RGS12: variants seen among roughly 807,000 people sequenced by gnomAD.
The protein encoded by RGS12 is regulator of G-protein signaling 12.
A neutral mutation model predicts 120.1 loss-of-function variants in RGS12; 66 were observed. The observed-to-expected ratio is 0.55, with a 90% CI of 0.45 to 0.67. RGS12 has a LOEUF of 0.67. Ranked by LOEUF, RGS12 falls within the 30% of genes least tolerant of loss-of-function variation. RGS12 has a pLI of 0.00. For synonymous variants in RGS12, 827 were observed against 804.7 expected, an observed-to-expected ratio of 1.03 and a Z score of -0.47; for missense variants, 1,859 against 1,957.7, an observed-to-expected ratio of 0.95 and a Z score of 0.95.
At chr4:3,416,235 A>G (rs1395988106) in intron 7 of RGS12, 114 bp downstream of exon 7, 1 of 1,221,678 alleles carries the variant, frequency 8.2e-7, no homozygotes, top group East Asian at 2.5e-5. Context: ...AGCATCACAG[A>G]CGCAGGTAGA....
At position 3,366,709 on chromosome 4, in the gene RGS12, T is replaced by G. The variant is rs991682693; in HGVS notation, c.1999-19707T>G. ...GCCGGAAAGCTCAGGAGGCCCTGGT[T>G]AGGCTGGGGCATCACGGGATGTGTC... On this transcript the variant is annotated intron_variant, in intron 3 of 17. Coordinates refer to ENST00000336727, the MANE Select transcript of RGS12 (RefSeq NM_001394154.1). This position sits in a 1 kb window ranked among gnomAD's most constrained non-coding sequence, Gnocchi z 4.0. Among the ~76,000 whole-genome samples the G allele has an allele frequency of 6.6e-6, 1 of 152,100 alleles. No homozygotes were observed. Among genetic ancestry groups the G allele is most frequent in the Admixed American group, 6.5e-5 (1 of 15,280 alleles).
chr4:3,361,704 A>C (rs1715581479), intron 3 of RGS12, among the ~76,000 whole-genome samples: 1 of 152,198 alleles, frequency 6.6e-6, no homozygotes, highest in Admixed American at 6.5e-5. Flanking sequence ...CTGCTCTGGG[A>C]ATTGCAGGGG....
rs1051349180 is a variant in RGS12, at chr4:3,317,538, G to A, written c.1368G>A (p.Ala456=). The stretch of plus-strand genomic sequence containing the variant: ...GCAGACACGGCCCCGGAGGCAGCGC[G>A]TGGGACGGTGTGGGTGGGAGGGGTG... ...SSSRHGPGGS[A]WDGVGGRGAQ... Residue 456 remains alanine (A), a synonymous_variant, in exon 2 of 18, where the codon GCG becomes GCA. Coordinates refer to ENST00000336727, the MANE Select transcript of RGS12 (RefSeq NM_001394154.1). The A allele has an allele frequency of 2.5e-6, 4 of 1,610,140 alleles. No homozygotes were observed. Among genetic ancestry groups the A allele is most frequent in the African/African-American group, 1.3e-5 (1 of 74,930 alleles).
intron 1 of RGS12, 34 bp downstream of exon 1, chr4:3,293,133 A>G (rs934432644): frequency 2.5e-4 from 36 of 143,696 alleles, no homozygotes; most frequent in African/African-American, 8.2e-4. Context: ...GGGCGGGGGC[A>G]GGGCGCGCCG....
intron 1 of RGS12, among the ~76,000 whole-genome samples, chr4:3,302,573 A>G (rs958744841): frequency 1.3e-5 from 2 of 152,142 alleles, no homozygotes; most frequent in African/African-American, 4.8e-5. Flanking sequence ...CCCTGCTTAC[A>G]GAAGTGGTTC....
At chr4:3,414,388 C>T (rs1722105490) in intron 5 of RGS12, 147 bp downstream of exon 5, 1 of 893,922 alleles carries the variant, frequency 1.1e-6, no homozygotes, top group Non-Finnish European at 1.6e-6. Flanking sequence ...TGGACCGCCA[C>T]CCTCTCAAGA....
intron 3 of RGS12, among the ~76,000 whole-genome samples, chr4:3,344,276 G>A (rs1269876117): frequency 1.3e-5 from 2 of 152,190 alleles, no homozygotes; most frequent in Admixed American, 6.5e-5. Flanking sequence ...TCGAGGGCAG[G>A]TCAGGGCTAG....
intron 6 of RGS12, among the ~76,000 whole-genome samples, chr4:3,415,621 C>T (rs1343005770): frequency 2.0e-5 from 3 of 152,212 alleles, no homozygotes; most frequent in African/African-American, 7.2e-5. Flanking sequence ...GGCTTCCAGG[C>T]TTCGGGGCTG....
chr4:3,356,050 ATTTT>A (rs35966486), intron 3 of RGS12, among the ~76,000 whole-genome samples: 24 of 123,400 alleles, frequency 1.9e-4, no homozygotes, highest in African/African-American at 5.8e-4. Flanking sequence ...ATCTTTTTCA[ATTTT>A]TTTTTTTTTT....
chr4:3,379,206 G>T lies in RGS12; in HGVS notation c.1999-7210G>T, dbSNP rs140736705. Among the ~76,000 whole-genome samples, 180 of 152,278 alleles carry T rather than the reference G, an allele frequency of 1.2e-3. 1 individual carries two copies. The highest frequency in any genetic ancestry group is 4.2e-3 in the African/African-American group (174 of 41,554). On this transcript the variant is annotated intron_variant, in intron 3 of 17. Transcript: ENST00000336727. ...GTAGATTGGTGCTTACCAGTGCCTG[G>T]CGGTAGTGGTGGAGAGATGTTGGAC...
In RGS12 at chr4:3,414,138, C is replaced by G; in HGVS notation, c.2087C>G (p.Pro696Arg). The G allele has an allele frequency of 6.4e-7, 1 of 1,568,966 alleles. No individual in the cohort carries two copies. Among genetic ancestry groups the G allele is most frequent in the South Asian group, 1.2e-5 (1 of 86,492 alleles). Residue 696 changes from proline (P) to arginine (R), a missense_variant, in exon 5 of 18, where the codon CCC (proline) becomes CGC (arginine). Physicochemically the swap from Pro to Arg is moderately radical, Grantham distance 103 (BLOSUM62 -2). Around this residue, in one of 3 missense-constraint regions of RGS12, gnomAD observed 967 missense variants for 994.2 expected, o/e 0.97. Coordinates refer to ENST00000336727, the MANE Select transcript of RGS12 (RefSeq NM_001394154.1). ...AGCCTGAGCAGCAATGCCAGCCTCC[C>G]CAGCGTGCAGAGCTGCCGGCGCCTG... ...NNSLSSNASL[P>R]SVQSCRRLRE... is the part of the protein sequence containing the mutation.
intron 2 of RGS12, among the ~76,000 whole-genome samples, chr4:3,326,114 A>T (rs1725537660): frequency 6.6e-6 from 1 of 152,218 alleles, no homozygotes; most frequent in Non-Finnish European, 1.5e-5. Context: ...CTGGAACAAG[A>T]CAAGAATGCC....
At chr4:3,425,311 T>G (rs1723491830) in intron 13 of RGS12, 153 bp from the exon 14 acceptor site, 5 of 704,170 alleles carry the variant, frequency 7.1e-6, no homozygotes, top group Non-Finnish European at 1.3e-5. Context: ...CAGCCCCAGC[T>G]TGTGTGCCTC....
rs372996302 is a variant in RGS12 at position 3,413,166 on chromosome 4, G to GCC, written c.2021-902_2021-901dup. On this transcript the variant is annotated intron_variant, in intron 4 of 17. Transcript: ENST00000336727. ...TGCTCGCGTCAGGAGGGACGGGGGCGCCCCCACACTGCTCGCGTCAGGAGG... is the reference window on the plus strand; with the variant it reads ...TGCTCGCGTCAGGAGGGACGGGGGCGCCCCCCCACACTGCTCGCGTCAGGAGG... 4.0e-3 allele frequency: 60 copies of GCC among 15,182 alleles called. 15 individuals are homozygous for GCC. The highest frequency in any genetic ancestry group is 0.023 in the African/African-American group (45 of 1,958). 0.9% of individuals were successfully genotyped at this position (15,182 alleles called of 1,614,324 possible).
intron 3 of RGS12, among the ~76,000 whole-genome samples, chr4:3,382,643 G>GCT (rs1008839515): frequency 6.6e-6 from 1 of 151,868 alleles, no homozygotes; most frequent in African/African-American, 2.4e-5. Context: ...GTTCTCTGCT[G>GCT]CTCTCTCTCT....
intron 2 of RGS12, among the ~76,000 whole-genome samples, chr4:3,338,986 A>G (rs1472433695): frequency 1.3e-5 from 2 of 152,206 alleles, no homozygotes; most frequent in Admixed American, 1.3e-4. Flanking sequence ...AAGTTGTCAC[A>G]TCTGTTACTG....
chr4:3,400,583 A>G (rs1482907309), intron 4 of RGS12, among the ~76,000 whole-genome samples: 2 of 150,890 alleles, frequency 1.3e-5, no homozygotes, highest in Non-Finnish European at 3.0e-5. Flanking sequence ...AATAGAATAC[A>G]TGAATGTACT....
chr4:3,411,996 C>T (rs1721788182), intron 4 of RGS12, among the ~76,000 whole-genome samples: 1 of 152,346 alleles, frequency 6.6e-6, no homozygotes, highest in African/African-American at 2.4e-5. Context: ...GCGGCCACCG[C>T]GGTCACACAT....
In RGS12 at chr4:3,439,551, C is replaced by T. The variant is rs556019881; in HGVS notation, c.4211C>T (p.Ala1404Val). The change falls in exon 18 of 18, where the codon GCG becomes GTG. Residue 1404 changes from alanine (A) to valine (V), a missense_variant. Physicochemically the swap from Ala to Val is moderately conservative, Grantham distance 64 (BLOSUM62 0). This residue lies in a region of RGS12 where 517 missense variants were observed against 488.5 expected (regional missense o/e 1.06). Coordinates refer to ENST00000336727, the MANE Select transcript of RGS12 (RefSeq NM_001394154.1). ...GCGCCCGGGCGGGATGGTGGCATAGCGGGGGCACAGGCTGGCCCTGGGAGG... is the reference window on the plus strand; with the variant it reads ...GCGCCCGGGCGGGATGGTGGCATAGTGGGGGCACAGGCTGGCCCTGGGAGG... ...GSAPGRDGGI[A>V]GAQAGPGRSQ... The T allele has an allele frequency of 9.6e-5, 155 of 1,612,284 alleles. No homozygotes were observed. Among genetic ancestry groups the T allele is most frequent in the Non-Finnish European group, 1.2e-4 (138 of 1,179,650 alleles).
Sources: gnomAD v4.1 joint callset for allele counts (sites outside exome capture counted in the v4.1 genomes callset) on GRCh38, gnomAD v4.1.1 for gene constraint, gnomAD v4.1.1 regional missense constraint, Gnocchi (gnomAD v3.1) non-coding constraint, MANE v1.5 for transcripts, NCBI Gene and HGNC (gene_info 2026-07-23, HGNC 2026-07-21) for gene names.